The following MAP4K3 variants were observed in gnomAD, a reference collection of about 807,000 sequenced individuals.
MAP4K3 encodes the protein mitogen-activated protein kinase kinase kinase kinase 3.
In MAP4K3, 94 loss-of-function variants were observed where a neutral mutation model predicts 143.5. The observed-to-expected ratio is 0.65, with a 90% CI of 0.55 to 0.78. The LOEUF (loss-of-function observed/expected upper bound fraction) is 0.78, where lower values mean the gene tolerates loss of function less well. Ranked by LOEUF, MAP4K3 falls within the 30% of genes least tolerant of loss-of-function variation. The pLI is 0.00. For missense variants in MAP4K3, 1,077 were observed against 1,068.1 expected (o/e 1.01, Z -0.12); for synonymous variants, 416 against 347.2 (o/e 1.20, Z -2.20).
At chr2:39,395,530 C>T in intron 1 of MAP4K3, among the ~76,000 whole-genome samples, 1 of 152,178 alleles carries the variant, frequency 6.6e-6, no homozygotes, top group Non-Finnish European at 1.5e-5. Context: ...AAACTATCAG[C>T]TCCCTTTCTC....
At chr2:39,285,142 T>A (rs1681715308) in intron 21 of MAP4K3, among the ~76,000 whole-genome samples, 1 of 152,110 alleles carries the variant, frequency 6.6e-6, no homozygotes, top group African/African-American at 2.4e-5. Flanking sequence ...TCCCCTTGCC[T>A]TTTCCACTGA....
intron 3 of MAP4K3, among the ~76,000 whole-genome samples, chr2:39,346,944 A>G (rs1345352288): frequency 6.6e-6 from 1 of 151,986 alleles, no homozygotes; most frequent in Non-Finnish European, 1.5e-5. Flanking sequence ...TGATCTCTAT[A>G]GGTTAGTTGA....
chr2:39,422,909 A>C (rs1478113090), intron 1 of MAP4K3, among the ~76,000 whole-genome samples: 2 of 152,154 alleles, frequency 1.3e-5, no homozygotes, highest in African/African-American at 4.8e-5. Context: ...TGACTCATGA[A>C]AGAAAAAACT....
chr2:39,372,644 G>A (rs913670026), intron 2 of MAP4K3, among the ~76,000 whole-genome samples: 1 of 152,078 alleles, frequency 6.6e-6, no homozygotes, highest in Admixed American at 6.5e-5. Flanking sequence ...GACATGTACA[G>A]TGAATGCATT....
chr2:39,329,223 T>C (rs963478804), intron 8 of MAP4K3, among the ~76,000 whole-genome samples: 1 of 152,192 alleles, frequency 6.6e-6, no homozygotes, highest in Non-Finnish European at 1.5e-5. Flanking sequence ...ATCCTGAAGA[T>C]TTAATGAGAT....
intron 21 of MAP4K3, among the ~76,000 whole-genome samples, chr2:39,286,136 T>C (rs966129660): frequency 3.3e-5 from 5 of 151,842 alleles, no homozygotes; most frequent in Non-Finnish European, 5.9e-5. Context: ...CAGATGGGGG[T>C]TGAAGGGGAG....
At position 39,395,045 on chromosome 2, in the gene MAP4K3, A is replaced by C. The variant is rs1031068695; in HGVS notation, c.97-16922T>G. 1.2e-4 allele frequency among the ~76,000 whole-genome samples: 19 copies of C among 152,344 alleles called. 1 individual carries two copies. The highest frequency in any genetic ancestry group is 1.9e-4 in the East Asian group (1 of 5,190). ...TGACAGCAATTATTTTTAAGACCAG[A>C]TAAAATACTAGTTCAGATATACACT... On this transcript the variant is annotated intron_variant, in intron 1 of 33. Coordinates refer to ENST00000263881, the MANE Select transcript of MAP4K3 (RefSeq NM_003618.4).
intron 9 of MAP4K3, 54 bp from the exon 10 acceptor site, chr2:39,326,015 A>T (rs902165212): frequency 2.0e-6 from 3 of 1,496,544 alleles, no homozygotes; most frequent in East Asian, 4.5e-5. Flanking sequence ...ATTTTTATCT[A>T]TTACACAAAT....
At chr2:39,388,009 C>A (rs1666556075) in intron 1 of MAP4K3, among the ~76,000 whole-genome samples, 1 of 152,130 alleles carries the variant, frequency 6.6e-6, no homozygotes, top group African/African-American at 2.4e-5. Context: ...CAGACAGTTC[C>A]AACATATCAG....
At chr2:39,308,233 A>G (rs942754112) in intron 14 of MAP4K3, among the ~76,000 whole-genome samples, 6 of 152,214 alleles carry the variant, frequency 3.9e-5, no homozygotes, top group African/African-American at 1.2e-4. Context: ...GGCAATGCCA[A>G]CTTACAAAGG....
intron 1 of MAP4K3, among the ~76,000 whole-genome samples, chr2:39,396,488 T>C (rs939346978): frequency 6.6e-6 from 1 of 151,852 alleles, no homozygotes; most frequent in Non-Finnish European, 1.5e-5. Context: ...ATTTTTTTTT[T>C]TTTTTTTTTT....
intron 1 of MAP4K3, among the ~76,000 whole-genome samples, chr2:39,394,609 C>T (rs1474263703): frequency 6.6e-6 from 1 of 152,074 alleles, no homozygotes; most frequent in Non-Finnish European, 1.5e-5. Context: ...CAGAGACGGA[C>T]CTGAGCTCAC....
Position 39,249,532 on chromosome 2 carries a change from T to C in MAP4K3, c.*1086A>G, listed in dbSNP as rs1481925921. ...ACCAAAACTAAGTTCCTGTGATGTG[T>C]AGTAACCATTATATTGTTTGTATGA... On this transcript the variant is annotated 3_prime_UTR_variant, in exon 34 of 34. Coordinates refer to ENST00000263881, the MANE Select transcript of MAP4K3 (RefSeq NM_003618.4). 1.3e-5 allele frequency: 2 copies of C among 152,618 alleles called. No homozygotes were observed. The highest frequency in any genetic ancestry group is 2.4e-5 in the African/African-American group (1 of 41,470). 9.5% of individuals were successfully genotyped at this position (152,618 alleles called of 1,614,324 possible). A position where few individuals can be genotyped will look rare whatever the true frequency, so the allele number is the denominator to read the frequency against.
At chr2:39,328,472 A>G (rs1294058433) in intron 8 of MAP4K3, among the ~76,000 whole-genome samples, 3 of 152,326 alleles carry the variant, frequency 2.0e-5, no homozygotes, top group Non-Finnish European at 4.4e-5. Context: ...TGGGAAGGCT[A>G]CAGATTATAT....
intron 8 of MAP4K3, among the ~76,000 whole-genome samples, chr2:39,329,167 T>C (rs1348339788): frequency 2.0e-5 from 3 of 152,182 alleles, no homozygotes; most frequent in Non-Finnish European, 4.4e-5. Flanking sequence ...GTTGGAAATT[T>C]CATCATTAAC....
rs1681363620 is a variant in MAP4K3 at position 39,278,322 on chromosome 2, A to G, written c.1794+85T>C. 5 of 733,430 alleles carry G rather than the reference A, an allele frequency of 6.8e-6. No homozygotes were observed. The South Asian group carries it at 1.1e-4, about 16-fold the overall frequency. 45.4% of individuals were successfully genotyped at this position (733,430 alleles called of 1,614,324 possible). ...AAAAGAATAAAAGAGGCAGCAAGTC[A>G]TGAAACTGAACCTTATTTCTGGTCT... On this transcript the variant is annotated intron_variant, in intron 24 of 33. Coordinates refer to ENST00000263881, the MANE Select transcript of MAP4K3 (RefSeq NM_003618.4).
chr2:39,296,418 C>T (rs1326464117), intron 16 of MAP4K3, among the ~76,000 whole-genome samples: 1 of 152,094 alleles, frequency 6.6e-6, no homozygotes, highest in Non-Finnish European at 1.5e-5. Context: ...GAATTCTTCT[C>T]TTATGGAAGT....
intron 1 of MAP4K3, among the ~76,000 whole-genome samples, chr2:39,414,372 A>G (rs372535920): frequency 6.6e-6 from 1 of 152,350 alleles, no homozygotes. Context: ...TTCACAAACT[A>G]TTGCGGGGGA....
At chr2:39,309,062 GATTT>G (rs1239040769) in intron 14 of MAP4K3, among the ~76,000 whole-genome samples, 2 of 152,014 alleles carry the variant, frequency 1.3e-5, no homozygotes, top group Non-Finnish European at 2.9e-5. Context: ...CAGCAACACA[GATTT>G]ATTTATTATG....
Sources: gnomAD v4.1 joint callset for allele counts (sites outside exome capture counted in the v4.1 genomes callset) on GRCh38, gnomAD v4.1.1 for gene constraint, MANE v1.5 for transcripts, NCBI Gene and HGNC (gene_info 2026-07-23, HGNC 2026-07-21) for gene names.